The following BACH2 variants were observed in gnomAD, a reference collection of about 807,000 sequenced individuals.
BACH2 encodes the protein transcription regulator protein BACH2.
BACH2 carries 5 observed loss-of-function variants against 61.8 expected under a neutral mutation model. That is an observed-to-expected ratio of 0.08 (90% CI 0.04 to 0.17). The LOEUF is 0.17. Among genes scored for constraint, BACH2 ranks in the 10% least tolerant of loss-of-function variants. The probability of loss-of-function intolerance (pLI) is 1.00; values close to 1 mark genes in which losing one functional copy is unlikely to be tolerated. For synonymous variants in BACH2, 446 were observed against 440.1 expected (o/e 1.01, Z -0.17); for missense variants, 824 against 1,091.1 (o/e 0.76, Z 3.45).
intron 4 of BACH2, among the ~76,000 whole-genome samples, chr6:90,096,051 G>A (rs572649825): frequency 2.2e-4 from 34 of 152,246 alleles, no homozygotes; most frequent in South Asian, 1.0e-3. Context: ...CTTCTTCTGC[G>A]AAGGAAACAT....
At chr6:90,050,086 T>G (rs558711553) in intron 5 of BACH2, among the ~76,000 whole-genome samples, 63 of 152,346 alleles carry the variant, frequency 4.1e-4, no homozygotes, top group Middle Eastern at 6.8e-3. Context: ...GTGTATTTCC[T>G]ACTGTAAGCT....
At chr6:89,969,220 A>AT (rs1454806156) in intron 6 of BACH2, among the ~76,000 whole-genome samples, 5 of 151,502 alleles carry the variant, frequency 3.3e-5, no homozygotes, top group Non-Finnish European at 7.4e-5. Flanking sequence ...CGCCCAGCTA[A>AT]TTTTTTTGTA....
chr6:90,152,651 A>G (rs1370118927), intron 4 of BACH2, among the ~76,000 whole-genome samples: 2 of 152,230 alleles, frequency 1.3e-5, no homozygotes, highest in East Asian at 3.8e-4. Flanking sequence ...GTAGGTGCCT[A>G]ATAAATATTT....
chr6:90,140,655 T>A (rs1176208011), intron 4 of BACH2, among the ~76,000 whole-genome samples: 1 of 152,190 alleles, frequency 6.6e-6, no homozygotes, highest in African/African-American at 2.4e-5. Context: ...TCCTCTAACT[T>A]GTATTTAATA....
intron 7 of BACH2, among the ~76,000 whole-genome samples, chr6:89,946,741 T>C (rs1199689458): frequency 6.6e-6 from 1 of 152,036 alleles, no homozygotes; most frequent in Admixed American, 6.5e-5. Context: ...CATAGAGAGG[T>C]GAATATATAT....
At chr6:90,279,144 T>C (rs2127885545) in intron 1 of BACH2, among the ~76,000 whole-genome samples, 1 of 152,302 alleles carries the variant, frequency 6.6e-6, no homozygotes, top group Admixed American at 6.5e-5. Flanking sequence ...CTAGAATATG[T>C]GATTTCAAAC....
intron 2 of BACH2, among the ~76,000 whole-genome samples, chr6:90,262,045 A>G (rs2127875989): frequency 1.3e-5 from 2 of 152,064 alleles, no homozygotes; most frequent in Admixed American, 6.5e-5. Context: ...TCATCATGAA[A>G]CCTCTGCATT....
chr6:90,116,110 G>A (rs1202867208), intron 4 of BACH2, among the ~76,000 whole-genome samples: 2 of 152,120 alleles, frequency 1.3e-5, no homozygotes. Context: ...ATTCCTCAAA[G>A]AGCAAAAAGC....
chr6:90,124,635 C>G (rs983615155), intron 4 of BACH2, among the ~76,000 whole-genome samples: 2 of 152,162 alleles, frequency 1.3e-5, no homozygotes, highest in Non-Finnish European at 2.9e-5. Flanking sequence ...AATATATGTA[C>G]GGTATTCTTT....
chr6:90,292,764 C>T (rs1022099248), intron 1 of BACH2, among the ~76,000 whole-genome samples: 1 of 152,188 alleles, frequency 6.6e-6, no homozygotes, highest in African/African-American at 2.4e-5. Flanking sequence ...ACAAGCAGCC[C>T]CCAGGCCGAC....
chr6:90,116,235 A>G (rs1783391209), intron 4 of BACH2, among the ~76,000 whole-genome samples: 1 of 152,244 alleles, frequency 6.6e-6, no homozygotes, highest in Admixed American at 6.5e-5. Flanking sequence ...AAGACATGGA[A>G]TCAACCTAAA....
At position 90,059,652 on chromosome 6, in the gene BACH2, G is replaced by A. The variant is rs1780574779; in HGVS notation, c.-13+29309C>T. ...ATATACCCAAAGGATTATAAATCAT[G>A]CTGCTATAAAGACACATGCACACGT... On this transcript the variant is annotated intron_variant, in intron 5 of 8. Coordinates refer to ENST00000257749, the MANE Select transcript of BACH2 (RefSeq NM_021813.4). Among the ~76,000 whole-genome samples the A allele has an allele frequency of 2.0e-5, 3 of 152,182 alleles. No homozygotes were observed. The South Asian group carries it at 6.2e-4, about 32-fold the overall frequency.
Position 90,141,297 on chromosome 6 carries a change from C to T in BACH2, c.-161-52188G>A, listed in dbSNP as rs548032957. Reference sequence around the variant, plus strand: ...CTGGGTTCAGGCGATTCTCCTGCCTCAGCCTCCTGAGTAGCTGGGATTACA... The same window carrying T: ...CTGGGTTCAGGCGATTCTCCTGCCTTAGCCTCCTGAGTAGCTGGGATTACA... On this transcript the variant is annotated intron_variant, in intron 4 of 8. Coordinates refer to ENST00000257749, the MANE Select transcript of BACH2 (RefSeq NM_021813.4). Among the ~76,000 whole-genome samples the T allele has an allele frequency of 5.3e-5, 8 of 152,280 alleles. No individual in the cohort carries two copies. In the South Asian group the frequency reaches 1.7e-3, roughly 32 times the overall value.
intron 4 of BACH2, among the ~76,000 whole-genome samples, chr6:90,187,193 T>A (rs182034176): frequency 3.3e-5 from 5 of 152,116 alleles, no homozygotes; most frequent in Non-Finnish European, 7.4e-5. Flanking sequence ...ACCTGACAGA[T>A]CTGGAGGAAA....
chr6:90,190,867 A>G, intron 4 of BACH2, among the ~76,000 whole-genome samples: 1 of 152,252 alleles, frequency 6.6e-6, no homozygotes, highest in East Asian at 1.9e-4. Flanking sequence ...ATATGGAGAC[A>G]CCAAGTTCCA....
chr6:90,149,284 T>C (rs1026623351), intron 4 of BACH2, among the ~76,000 whole-genome samples: 3 of 152,364 alleles, frequency 2.0e-5, no homozygotes, highest in Middle Eastern at 3.4e-3. Flanking sequence ...TGTTTACTCA[T>C]GTAATGCTCA....
chr6:90,233,047 C>G (rs527305588), intron 3 of BACH2, among the ~76,000 whole-genome samples: 1 of 152,284 alleles, frequency 6.6e-6, no homozygotes, highest in Admixed American at 6.5e-5. Context: ...CAGGAGATAT[C>G]ATGTTTCAAC....
chr6:90,034,452 C>T (rs552337687), intron 5 of BACH2, among the ~76,000 whole-genome samples: 36 of 152,136 alleles, frequency 2.4e-4, no homozygotes, highest in Middle Eastern at 3.4e-3. Context: ...CCTGAAACTC[C>T]CAAGTATTGT....
intron 8 of BACH2, among the ~76,000 whole-genome samples, chr6:89,937,889 T>C (rs1405765514): frequency 6.6e-6 from 1 of 152,200 alleles, no homozygotes; most frequent in Non-Finnish European, 1.5e-5. Context: ...TCTATATGAA[T>C]AATGACTGAA....
Sources: gnomAD v4.1 joint callset for allele counts (sites outside exome capture counted in the v4.1 genomes callset) on GRCh38, gnomAD v4.1.1 for gene constraint, MANE v1.5 for transcripts, NCBI Gene and HGNC (gene_info 2026-07-23, HGNC 2026-07-21) for gene names.